The following RPF2 variants were observed in gnomAD, a reference collection of about 807,000 sequenced individuals.
The protein encoded by RPF2 is ribosome production factor 2 homolog, also known as brix domain containing 1.
RPF2 carries 21 observed loss-of-function variants against 38.9 expected under a neutral mutation model. The observed-to-expected ratio is 0.54, with a 90% CI of 0.38 to 0.78. The LOEUF (loss-of-function observed/expected upper bound fraction) is 0.78. Among genes scored for constraint, RPF2 ranks in the 30% least tolerant of loss-of-function variants. RPF2 has a pLI of 0.00. For missense variants in RPF2, 314 were observed against 358.1 expected (o/e 0.88, Z 0.99); for synonymous variants, 121 against 126.2 (o/e 0.96, Z 0.28).
At position 111,008,100 on chromosome 6, in the gene RPF2, A is replaced by G; in HGVS notation, c.456A>G (p.Val152=). 1.2e-6 allele frequency: 2 copies of G among 1,605,872 alleles called. No individual in the cohort carries two copies. Among genetic ancestry groups the G allele is most frequent in the African/African-American group, 1.3e-5 (1 of 74,636 alleles). ...MLIFAGDDFD[V]TEDYRRLKSL... ...TATTTGCTGGCGATGATTTCGATGT[A>G]ACAGAAGATTATAGAAGACTAAAAA... The change falls in exon 7 of 10, where the codon GTA becomes GTG. Residue 152 remains valine (V), a synonymous_variant. Coordinates refer to ENST00000441448, the MANE Select transcript of RPF2 (RefSeq NM_032194.3).
chr6:110,982,178 C>A (rs759435446), intron 1 of RPF2, 49 bp downstream of exon 1: 3 of 1,601,446 alleles, frequency 1.9e-6, no homozygotes, highest in Non-Finnish European at 2.6e-6. Context: ...TGAAAGGGTC[C>A]CGTGATGAGG....
rs948468056 is a variant in RPF2 at position 111,025,494 on chromosome 6, C to T, written c.833C>T (p.Thr278Ile). The change falls in exon 10 of 10, where the codon ACC becomes ATC. Residue 278 changes from threonine to isoleucine, a missense_variant. By Grantham distance (89) the Thr-to-Ile change is moderately conservative. Coordinates refer to ENST00000441448, the MANE Select transcript of RPF2 (RefSeq NM_032194.3). ...AAGCAAGACCTAAGCAAACTACAAA[C>T]CAGGAAAATGAAGGGGTTGAAGAAG... ...MQKQDLSKLQ[T>I]RKMKGLKKRP... 2.5e-6 allele frequency: 4 copies of T among 1,613,202 alleles called. No individual in the cohort carries two copies. The highest frequency in any genetic ancestry group is 1.7e-6 in the Non-Finnish European group (2 of 1,179,602).
At chr6:110,985,215 A>C (rs1454794012) in intron 2 of RPF2, 77 bp downstream of exon 2, 3 of 1,217,176 alleles carry the variant, frequency 2.5e-6, no homozygotes, top group Non-Finnish European at 3.5e-6. Context: ...GGGCTGTCGG[A>C]GAAATACGTA....
chr6:111,009,676 A>G (rs913179438), intron 7 of RPF2, among the ~76,000 whole-genome samples: 7 of 151,798 alleles, frequency 4.6e-5, no homozygotes, highest in Admixed American at 1.3e-4. Flanking sequence ...ATCCTTTTCT[A>G]TTTTTTTCTC....
chr6:111,003,176 A>C (rs1303380709), intron 6 of RPF2, among the ~76,000 whole-genome samples: 1 of 145,180 alleles, frequency 6.9e-6, no homozygotes, highest in Non-Finnish European at 1.5e-5. Context: ...TTGTTTTGGT[A>C]CACTTTCCCT....
chr6:111,003,511 T>C (rs1366960276), intron 6 of RPF2, among the ~76,000 whole-genome samples: 1 of 152,106 alleles, frequency 6.6e-6, no homozygotes, highest in Non-Finnish European at 1.5e-5. Flanking sequence ...TTAAACAAGC[T>C]CATTGAGAAT....
intron 6 of RPF2, among the ~76,000 whole-genome samples, chr6:111,003,512 C>A (rs1161398782): frequency 6.6e-6 from 1 of 152,024 alleles, no homozygotes; most frequent in East Asian, 1.9e-4. Context: ...TAAACAAGCT[C>A]ATTGAGAATA....
chr6:111,008,221 G>A, intron 7 of RPF2, 84 bp downstream of exon 7: 2 of 1,395,980 alleles, frequency 1.4e-6, no homozygotes, highest in Non-Finnish European at 1.9e-6. Context: ...GCTACTTTAG[G>A]TTTGTAACTT....
At chr6:111,015,321 A>G (rs1345263362) in intron 7 of RPF2, among the ~76,000 whole-genome samples, 2 of 152,164 alleles carry the variant, frequency 1.3e-5, no homozygotes, top group Non-Finnish European at 2.9e-5. Flanking sequence ...TTCTTATTAG[A>G]GTTTTTTTCT....
At position 110,992,485 on chromosome 6, in the gene RPF2, C is replaced by T. The variant is rs57302912; in HGVS notation, c.234+699C>T. Reference sequence around the variant, plus strand: ...TGAAGCTTGGGTCTTGGTATGTTGCCCAGGCTGGTCTCAAACTCCTGAGCT... The same window carrying T: ...TGAAGCTTGGGTCTTGGTATGTTGCTCAGGCTGGTCTCAAACTCCTGAGCT... On this transcript the variant is annotated intron_variant, in intron 4 of 9. Transcript: ENST00000441448. Among the ~76,000 whole-genome samples the T allele has an allele frequency of 3.6e-3, 533 of 147,738 alleles. 1 individual carries two copies. The highest frequency in any genetic ancestry group is 0.013 in the African/African-American group (509 of 39,424).
rs879878934 is a variant in RPF2 at position 110,994,747 on chromosome 6, A to ACACT, written c.235-2433_235-2432insTCAC. Among the ~76,000 whole-genome samples the ACACT allele has an allele frequency of 6.8e-3, 1,026 of 150,412 alleles. 46 individuals are homozygous for ACACT. The highest frequency in any genetic ancestry group is 0.064 in the Admixed American group (966 of 15,082). On this transcript the variant is annotated intron_variant, in intron 4 of 9. Coordinates refer to ENST00000441448, the MANE Select transcript of RPF2 (RefSeq NM_032194.3). ...GATGAGTATATATACACACACACAC[A>ACACT]CACACACACACACACACACACACGA...
Position 110,989,108 on chromosome 6 carries a change from T to G in RPF2, c.194+43T>G, listed in dbSNP as rs1273717401. On this transcript the variant is annotated intron_variant, in intron 3 of 9. Transcript: ENST00000441448. ...TTACTGTATTTTAAATGATTTTGTTTCATTATAAAAGTAACCACTTTATGG... is the reference window on the plus strand; with the variant it reads ...TTACTGTATTTTAAATGATTTTGTTGCATTATAAAAGTAACCACTTTATGG... 4 of 1,479,482 alleles carry G rather than the reference T, an allele frequency of 2.7e-6. No homozygotes were observed. In the African/African-American group the frequency reaches 5.9e-5, roughly 22 times the overall value. The allele number at this position is 1,479,482 out of a possible 1,614,324, so 91.6% of individuals were successfully genotyped here.
chr6:110,997,255 C>T lies in RPF2; in HGVS notation c.307C>T (p.Leu103=). The T allele has an allele frequency of 6.4e-7, 1 of 1,567,718 alleles. No homozygotes were observed. Among genetic ancestry groups the T allele is most frequent in the Non-Finnish European group, 8.8e-7 (1 of 1,140,094 alleles). Residue 103 remains leucine (L), a synonymous_variant, in exon 5 of 10, where the codon CTA becomes TTA. Coordinates refer to ENST00000441448, the MANE Select transcript of RPF2 (RefSeq NM_032194.3). ...CCATAATAAGAAGCGGCCAAATAAT[C>T]TAGTAATAGGTAAGTATAATTTACT... ...GSHNKKRPNN[L]VIGRMYDYHV... is the part of the protein sequence containing the mutation.
rs1313614986 is a variant in RPF2, at chr6:110,985,066, A to G, written c.84A>G (p.Glu28=). Residue 28 remains glutamate (E), a synonymous_variant, in exon 2 of 10, where the codon GAA becomes GAG. Coordinates refer to ENST00000441448, the MANE Select transcript of RPF2 (RefSeq NM_032194.3). ...FLEKREPKLN[E]NIKNAMLIKG... ...AGAAGAGAGAACCGAAACTCAATGA[A>G]AATATTAAAAATGCCATGCTGATTA... The G allele has an allele frequency of 1.1e-5, 17 of 1,613,522 alleles. No individual in the cohort carries two copies. Among genetic ancestry groups the G allele is most frequent in the Non-Finnish European group, 1.4e-5 (17 of 1,179,820 alleles).
chr6:110,986,475 A>G (rs1771527912), intron 2 of RPF2, among the ~76,000 whole-genome samples: 1 of 152,246 alleles, frequency 6.6e-6, no homozygotes, highest in South Asian at 2.1e-4. Context: ...CCTGATGGGC[A>G]ATAATGCCAA....
chr6:111,023,919 T>C (rs1432704012), intron 8 of RPF2, among the ~76,000 whole-genome samples: 1 of 150,960 alleles, frequency 6.6e-6, no homozygotes, highest in East Asian at 1.9e-4. Context: ...ACCTGGGAGG[T>C]GGAGCTTACA....
At chr6:110,984,310 A>G (rs1771485678) in intron 1 of RPF2, among the ~76,000 whole-genome samples, 1 of 152,174 alleles carries the variant, frequency 6.6e-6, no homozygotes, top group Non-Finnish European at 1.5e-5. Flanking sequence ...GTATTAGGGT[A>G]CAGGATACAG....
intron 5 of RPF2, among the ~76,000 whole-genome samples, chr6:110,999,507 G>GTAA: frequency 6.6e-6 from 1 of 152,256 alleles, no homozygotes; most frequent in Middle Eastern, 3.4e-3. Flanking sequence ...GTTGGGCTAA[G>GTAA]TAATATCTGA....
At chr6:111,012,270 A>T (rs1185864029) in intron 7 of RPF2, among the ~76,000 whole-genome samples, 1 of 149,132 alleles carries the variant, frequency 6.7e-6, no homozygotes, top group Non-Finnish European at 1.5e-5. Flanking sequence ...TTCTGGTCTC[A>T]AGCAATCCTC....
Sources: gnomAD v4.1 joint callset for allele counts (sites outside exome capture counted in the v4.1 genomes callset) on GRCh38, gnomAD v4.1.1 for gene constraint, MANE v1.5 for transcripts, NCBI Gene and HGNC (gene_info 2026-07-23, HGNC 2026-07-21) for gene names.